The following FNBP1L variants were observed in gnomAD, a reference collection of about 807,000 sequenced individuals.
FNBP1L encodes the protein formin binding protein 1 like, also known as formin-binding protein 1-like.
FNBP1L carries 36 observed loss-of-function variants against 91.2 expected under a neutral mutation model. That is an observed-to-expected ratio of 0.39 (90% CI 0.30 to 0.52). FNBP1L has a LOEUF of 0.52. FNBP1L is among the 20% of genes least tolerant of loss of function. FNBP1L has a pLI of 0.66. For missense variants in FNBP1L, 571 were observed against 732.1 expected, an observed-to-expected ratio of 0.78 and a Z score of 2.54; for synonymous variants, 242 against 237.0, an observed-to-expected ratio of 1.02 and a Z score of -0.19.
intron 2 of FNBP1L, among the ~76,000 whole-genome samples, chr1:93,510,582 C>T (rs1419755535): frequency 6.6e-6 from 1 of 152,072 alleles, no homozygotes; most frequent in East Asian, 1.9e-4. Context: ...CAGTTCCTCA[C>T]CAGCAACGGA....
chr1:93,522,135 G>A lies in FNBP1L; in HGVS notation c.194G>A (p.Arg65Gln), dbSNP rs1243553426. Residue 65 changes from arginine (R) to glutamine (Q), a missense_variant and splice_region_variant, in exon 3 of 17, where the codon CGG becomes CAG. Transcript: ENST00000271234. ...CGTTCATCCAAAGATGAAGAGCCAC[G>A]GTAAATTACATACCTGTTCATTAAT... is the stretch of plus-strand genomic sequence containing the variant. ...PKRSSKDEEP[R>Q]FTSCVAFFNI... is the part of the protein sequence containing the mutation. 6.7e-7 allele frequency: 1 copy of A among 1,491,230 alleles called. No homozygotes were observed. The highest frequency in any genetic ancestry group is 9.0e-7 in the Non-Finnish European group (1 of 1,116,834). The allele number at this position is 1,491,230 out of a possible 1,614,324, so 92.4% of individuals were successfully genotyped here.
intron 9 of FNBP1L, among the ~76,000 whole-genome samples, chr1:93,535,133 T>C (rs1671802649): frequency 6.6e-6 from 1 of 152,154 alleles, no homozygotes; most frequent in Non-Finnish European, 1.5e-5. Flanking sequence ...TTAACAAAGT[T>C]GTTAATATCT....
At chr1:93,510,095 T>G (rs900452327) in intron 2 of FNBP1L, among the ~76,000 whole-genome samples, 2 of 152,184 alleles carry the variant, frequency 1.3e-5, no homozygotes, top group African/African-American at 4.8e-5. Flanking sequence ...AAGCTCAAAC[T>G]GGGTGGAGCC....
chr1:93,532,870 GA>G (rs1362942694), intron 7 of FNBP1L, 51 bp from the exon 8 acceptor site: 1 of 1,439,718 alleles, frequency 6.9e-7, no homozygotes, highest in African/African-American at 1.4e-5. Context: ...AACTCCTTTA[GA>G]ATGATTGAAA....
At chr1:93,460,997 A>G (rs559708042) in intron 1 of FNBP1L, among the ~76,000 whole-genome samples, 2 of 152,284 alleles carry the variant, frequency 1.3e-5, no homozygotes, top group African/African-American at 2.4e-5. Flanking sequence ...TCTTTGCATA[A>G]TATCTGTAAC....
At chr1:93,491,704 G>T (rs1336771913) in intron 1 of FNBP1L, among the ~76,000 whole-genome samples, 3 of 152,134 alleles carry the variant, frequency 2.0e-5, no homozygotes, top group Non-Finnish European at 4.4e-5. Flanking sequence ...CCTTTATGGT[G>T]CCTTTTAAAG....
chr1:93,511,059 A>G (rs1329504923), intron 2 of FNBP1L, among the ~76,000 whole-genome samples: 2 of 152,234 alleles, frequency 1.3e-5, no homozygotes, highest in Non-Finnish European at 2.9e-5. Flanking sequence ...GAACTTCCCC[A>G]ATCTAGCAAG....
At chr1:93,534,620 T>G in intron 8 of FNBP1L, 85 bp from the exon 9 acceptor site, 4 of 815,298 alleles carry the variant, frequency 4.9e-6, no homozygotes, top group Non-Finnish European at 7.5e-6. Flanking sequence ...ATATTTGTTG[T>G]TTTTTTGTAC....
intron 14 of FNBP1L, 94 bp downstream of exon 14, chr1:93,547,535 T>G: frequency 9.4e-7 from 1 of 1,060,084 alleles, no homozygotes; most frequent in Non-Finnish European, 1.4e-6. Flanking sequence ...TCTTCCAAAT[T>G]TAACAAGTTA....
At chr1:93,538,388 T>A (rs1671915216) in intron 10 of FNBP1L, among the ~76,000 whole-genome samples, 1 of 152,128 alleles carries the variant, frequency 6.6e-6, no homozygotes, top group African/African-American at 2.4e-5. Flanking sequence ...TAAGTTATTT[T>A]TGTAGGGATC....
rs764111996 is a variant in FNBP1L, at chr1:93,553,417, G to A, written c.*1001G>A. ...CAGCACCGCTGCAGCTGCCGATGTA[G>A]CCTCGGTAGGTGGCTATTAGAGCTC... On this transcript the variant is annotated 3_prime_UTR_variant, in exon 17 of 17. Transcript: ENST00000271234. 9.2e-5 allele frequency: 14 copies of A among 152,668 alleles called. No individual in the cohort carries two copies. Among genetic ancestry groups the A allele is most frequent in the South Asian group, 2.1e-4 (1 of 4,826 alleles). The allele number at this position is 152,668 out of a possible 1,614,324, so 9.5% of individuals were successfully genotyped here. A position where few individuals can be genotyped will look rare whatever the true frequency, so the allele number is the denominator to read the frequency against.
intron 9 of FNBP1L, 47 bp downstream of exon 9, chr1:93,534,955 A>G (rs1161980059): frequency 6.1e-6 from 9 of 1,464,036 alleles, no homozygotes; most frequent in African/African-American, 1.4e-5. Flanking sequence ...AAGTGTACCA[A>G]CTAAAACAAT....
rs773936682 is a variant in FNBP1L at position 93,524,230 on chromosome 1, TA to T, written c.343-30del. ...TTGTTTTTGTTTTATTTTTTATTTT[TA>T]TTTTTTTTGGCCGTGGTTATAATCT... On this transcript the variant is annotated intron_variant, in intron 4 of 16. Coordinates refer to ENST00000271234, the MANE Select transcript of FNBP1L (RefSeq NM_001164473.3). The T allele has an allele frequency of 9.1e-6, 13 of 1,434,876 alleles. No individual in the cohort carries two copies. The East Asian group carries it at 1.1e-4, about 12-fold the overall frequency. 88.9% of individuals were successfully genotyped at this position (1,434,876 alleles called of 1,614,324 possible).
intron 2 of FNBP1L, among the ~76,000 whole-genome samples, chr1:93,512,970 T>C (rs1018126464): frequency 3.7e-4 from 56 of 151,910 alleles, no homozygotes; most frequent in African/African-American, 1.2e-3. Context: ...TTCAAAAAAT[T>C]AATGAATCCA....
At position 93,488,813 on chromosome 1, in the gene FNBP1L, G is replaced by A. The variant is rs867269280; in HGVS notation, c.25-10655G>A. Among the ~76,000 whole-genome samples, 31 of 152,158 alleles carry A rather than the reference G, an allele frequency of 2.0e-4. 1 individual carries two copies. Among genetic ancestry groups the A allele is most frequent in the South Asian group, 8.3e-4 (4 of 4,834 alleles). On this transcript the variant is annotated intron_variant, in intron 1 of 16. Coordinates refer to ENST00000271234, the MANE Select transcript of FNBP1L (RefSeq NM_001164473.3). ...TATTAGGGTTATGGACAGTTTATCC[G>A]AAGTAATAACCAGGAATGCCTAATA...
chr1:93,522,581 G>A (rs1434326856), intron 3 of FNBP1L, among the ~76,000 whole-genome samples: 1 of 140,118 alleles, frequency 7.1e-6, no homozygotes, highest in Non-Finnish European at 1.6e-5. Context: ...GAGTTTTTTT[G>A]TGGTCTTAAA....
chr1:93,514,788 A>C (rs1671014955), intron 2 of FNBP1L, among the ~76,000 whole-genome samples: 1 of 151,886 alleles, frequency 6.6e-6, no homozygotes, highest in South Asian at 2.1e-4. Flanking sequence ...TAAAGACTTA[A>C]ACGTTAGACC....
intron 2 of FNBP1L, among the ~76,000 whole-genome samples, chr1:93,512,320 A>T (rs1670884790): frequency 2.0e-5 from 3 of 151,836 alleles, no homozygotes; most frequent in Admixed American, 2.0e-4. Context: ...CACATTAATA[A>T]TGGGAGACTT....
chr1:93,536,355 T>C lies in FNBP1L; in HGVS notation c.1014T>C (p.Pro338=), dbSNP rs1671851051. 1.3e-6 allele frequency: 2 copies of C among 1,546,554 alleles called. No homozygotes were observed. The highest frequency in any genetic ancestry group is 2.7e-5 in the African/African-American group (2 of 72,840). Residue 338 remains proline (P), a synonymous_variant, in exon 10 of 17, where the codon CCT becomes CCC. Transcript: ENST00000271234. ...AGCCACAGTCCCCACCCTTAACCCC[T>C]ACTAGTTTATTCACATCCAGTACTC... ...KPKPQSPPLT[P]TSLFTSSTPN... is the part of the protein sequence containing the mutation.
Sources: gnomAD v4.1 joint callset for allele counts (sites outside exome capture counted in the v4.1 genomes callset) on GRCh38, gnomAD v4.1.1 for gene constraint, MANE v1.5 for transcripts, NCBI Gene and HGNC (gene_info 2026-07-23, HGNC 2026-07-21) for gene names.